GRM1: variants seen among roughly 807,000 people sequenced by gnomAD.
GRM1 encodes the protein glutamate metabotropic receptor 1.
GRM1 carries 33 observed loss-of-function variants against 90.9 expected under a neutral mutation model. The ratio of observed to expected loss-of-function variants is 0.36; its 90% CI spans 0.28 to 0.49. The LOEUF (loss-of-function observed/expected upper bound fraction) is 0.49, where lower values mean the gene tolerates loss of function less well. GRM1 is among the 20% of genes least tolerant of loss of function. The pLI, the probability that GRM1 is intolerant of heterozygous loss-of-function variation, is 0.99. For synonymous variants in GRM1, 700 were observed against 613.2 expected, an observed-to-expected ratio of 1.14 and a Z score of -2.09; for missense variants, 1,190 against 1,534.3, an observed-to-expected ratio of 0.78 and a Z score of 3.75.
At chr6:146,394,688 G>T (rs951171512) in intron 6 of GRM1, among the ~76,000 whole-genome samples, 10 of 152,106 alleles carry the variant, frequency 6.6e-5, no homozygotes, top group Admixed American at 2.6e-4. Context: ...TTATAAATTA[G>T]AATGTTTCAG....
rs764759109 is a variant in GRM1, at chr6:146,159,578, G to A, written c.931G>A (p.Glu311Lys). ...SAMRRLGVVG[E>K]FSLIGSDGWA... Reference sequence around the variant, plus strand: ...CATGCGGCGCCTTGGCGTCGTGGGCGAGTTCTCACTCATTGGAAGGTAAGT... The same window carrying A: ...CATGCGGCGCCTTGGCGTCGTGGGCAAGTTCTCACTCATTGGAAGGTAAGT... Residue 311 changes from glutamate to lysine, a missense_variant, in exon 2 of 8, where the codon GAG (glutamate) becomes AAG (lysine). By Grantham distance (56) the Glu-to-Lys change is moderately conservative (BLOSUM62 1). Around this residue, in one of 10 missense-constraint regions of GRM1, gnomAD observed 414 missense variants for 598.4 expected, o/e 0.69. Transcript: ENST00000282753. The A allele has an allele frequency of 1.9e-6, 3 of 1,613,080 alleles. No individual in the cohort carries two copies. Among genetic ancestry groups the A allele is most frequent in the Non-Finnish European group, 2.5e-6 (3 of 1,179,764 alleles).
chr6:146,424,511 C>T (rs75214120), intron 7 of GRM1, among the ~76,000 whole-genome samples: 10,885 of 152,236 alleles, frequency 0.072, 838 homozygotes, highest in African/African-American at 0.19. Context: ...AATCTCCCAG[C>T]GCATGCTCTA....
At chr6:146,135,287 G>A (rs900992593) in intron 1 of GRM1, among the ~76,000 whole-genome samples, 5 of 152,248 alleles carry the variant, frequency 3.3e-5, no homozygotes, top group South Asian at 2.1e-4. Context: ...TGCTGCCAGA[G>A]CGCCTGCTTA....
At chr6:146,374,158 CGGT>C in intron 5 of GRM1, among the ~76,000 whole-genome samples, 1 of 31,940 alleles carries the variant, frequency 3.1e-5, no homozygotes, top group African/African-American at 8.8e-4. Flanking sequence ...TATGATGTAT[CGGT>C]ATCGCATTGA....
intron 2 of GRM1, among the ~76,000 whole-genome samples, chr6:146,261,665 C>T (rs1007927706): frequency 1.3e-5 from 2 of 151,908 alleles, no homozygotes; most frequent in African/African-American, 2.4e-5. Flanking sequence ...AGCCCTAAGC[C>T]TAACTGCCTT....
chr6:146,177,380 G>A (rs1324850478), intron 2 of GRM1, among the ~76,000 whole-genome samples: 1 of 151,994 alleles, frequency 6.6e-6, no homozygotes, highest in Non-Finnish European at 1.5e-5. Flanking sequence ...AAAATAGTTT[G>A]TACAAGTTAA....
At chr6:146,349,246 ATT>A (rs67705028) in intron 3 of GRM1, among the ~76,000 whole-genome samples, 4 of 140,704 alleles carry the variant, frequency 2.8e-5, no homozygotes, top group Admixed American at 7.1e-5. Flanking sequence ...TTTTTTTTTT[ATT>A]TTTTTTTTAT....
intron 7 of GRM1, among the ~76,000 whole-genome samples, chr6:146,420,385 A>G (rs902938664): frequency 6.6e-6 from 1 of 152,142 alleles, no homozygotes; most frequent in Admixed American, 6.6e-5. Flanking sequence ...GAAGTGCACT[A>G]GTGCACAGCC....
chr6:146,423,578 G>A (rs537678274), intron 7 of GRM1, among the ~76,000 whole-genome samples: 2 of 151,886 alleles, frequency 1.3e-5, no homozygotes, highest in Non-Finnish European at 2.9e-5. Context: ...CAAAGGAACC[G>A]CAGAACTGTC....
At chr6:146,323,616 T>C (rs191743194) in intron 3 of GRM1, among the ~76,000 whole-genome samples, 1,662 of 152,322 alleles carry the variant, frequency 0.011, 13 homozygotes, top group South Asian at 0.022. Flanking sequence ...TTTGTCAATT[T>C]TGTCTTTTGT....
chr6:146,310,909 A>T (rs1380026722), intron 3 of GRM1, among the ~76,000 whole-genome samples: 1 of 152,186 alleles, frequency 6.6e-6, no homozygotes, highest in Non-Finnish European at 1.5e-5. Context: ...TGACTCCTAG[A>T]TTCATGAACT....
At chr6:146,287,685 T>C (rs1782815050) in intron 2 of GRM1, among the ~76,000 whole-genome samples, 1 of 152,068 alleles carries the variant, frequency 6.6e-6, no homozygotes, top group African/African-American at 2.4e-5. Context: ...TGGGTTGTTA[T>C]AAGGGAAAGA....
intron 2 of GRM1, 48 bp from the exon 3 acceptor site, chr6:146,304,563 G>A: frequency 8.1e-7 from 1 of 1,230,764 alleles, no homozygotes; most frequent in Non-Finnish European, 1.2e-6. Flanking sequence ...CTCTATTTGT[G>A]AGATGTTTGT....
intron 1 of GRM1, among the ~76,000 whole-genome samples, chr6:146,077,896 T>G (rs1776240983): frequency 6.6e-6 from 1 of 152,054 alleles, no homozygotes; most frequent in South Asian, 2.1e-4. Context: ...CTCTGCTGCT[T>G]CAGGTGAGCC....
At chr6:146,265,449 T>C (rs1311983579) in intron 2 of GRM1, among the ~76,000 whole-genome samples, 1 of 152,206 alleles carries the variant, frequency 6.6e-6, no homozygotes, top group Non-Finnish European at 1.5e-5. Context: ...AGATGTATAA[T>C]ATGCAAATAT....
intron 2 of GRM1, 134 bp downstream of exon 2, chr6:146,159,731 C>T: frequency 1.3e-6 from 1 of 767,554 alleles, no homozygotes; most frequent in Non-Finnish European, 2.1e-6. Flanking sequence ...GAGAGATGTG[C>T]AGTGCTGAGC....
At chr6:146,064,544 TATG>T (rs1775779223) in intron 1 of GRM1, among the ~76,000 whole-genome samples, 1 of 152,198 alleles carries the variant, frequency 6.6e-6, no homozygotes. Context: ...TTTGCTAAAA[TATG>T]ATAATGCTTT....
chr6:146,343,477 T>C (rs1039100112), intron 3 of GRM1, among the ~76,000 whole-genome samples: 5 of 150,118 alleles, frequency 3.3e-5, no homozygotes, highest in Admixed American at 1.3e-4. Flanking sequence ...ATTTGTTTTT[T>C]ACTTAATCAT....
chr6:146,042,806 A>G (rs548748857), intron 1 of GRM1, among the ~76,000 whole-genome samples: 16 of 152,106 alleles, frequency 1.1e-4, no homozygotes, highest in African/African-American at 3.6e-4. Context: ...ATAGCAGTTA[A>G]TTAACTTGGC....
Sources: allele counts gnomAD v4.1 joint callset (sites outside exome capture counted in the v4.1 genomes callset), GRCh38; gene constraint gnomAD v4.1.1; regional missense constraint gnomAD v4.1.1; transcripts MANE v1.5; gene names NCBI Gene and HGNC (gene_info 2026-07-23, HGNC 2026-07-21).